Variants in SUPT16H observed in about 807,000 individuals in gnomAD.
SUPT16H encodes the protein FACT complex subunit SPT16.
A neutral mutation model predicts 136.2 loss-of-function variants in SUPT16H; 24 were observed. That is an observed-to-expected ratio of 0.18 (90% CI 0.13 to 0.25). SUPT16H has a LOEUF of 0.25. SUPT16H is among the 10% of genes least tolerant of loss of function. SUPT16H has a pLI of 1.00. For missense variants in SUPT16H, 623 were observed against 1,270.2 expected (o/e 0.49, Z 7.74); for synonymous variants, 415 against 428.2 (o/e 0.97, Z 0.38).
intron 14 of SUPT16H, 49 bp downstream of exon 14, chr14:21,362,745 T>C: frequency 6.5e-7 from 1 of 1,545,296 alleles, no homozygotes; most frequent in Non-Finnish European, 8.7e-7. Flanking sequence ...ATACAATTAC[T>C]ATTTTAAGCA....
intron 1 of SUPT16H, among the ~76,000 whole-genome samples, chr14:21,378,072 G>A (rs115872330): frequency 9.9e-4 from 151 of 152,190 alleles, no homozygotes; most frequent in African/African-American, 3.5e-3. Context: ...AGGATAATGT[G>A]GGGGGTGGAA....
intron 22 of SUPT16H, 26 bp from the exon 23 acceptor site, chr14:21,354,566 A>T: frequency 6.2e-7 from 1 of 1,611,008 alleles, no homozygotes; most frequent in Non-Finnish European, 8.5e-7. Flanking sequence ...TGACAAAGTC[A>T]AATCAATCTT....
At chr14:21,358,506 G>T in intron 19 of SUPT16H, 79 bp from the exon 20 acceptor site, 2 of 1,005,602 alleles carry the variant, frequency 2.0e-6, no homozygotes, top group Non-Finnish European at 3.0e-6. Flanking sequence ...AAGTGCTTTT[G>T]TGCTTTAAAA....
At chr14:21,378,559 C>A (rs950348297) in intron 1 of SUPT16H, among the ~76,000 whole-genome samples, 1 of 152,072 alleles carries the variant, frequency 6.6e-6, no homozygotes, top group African/African-American at 2.4e-5. Context: ...ACTTAAAATT[C>A]TTTCAACTTT....
At chr14:21,361,446 A>G (rs1225439535) in intron 15 of SUPT16H, 1 of 542,508 alleles carries the variant, frequency 1.8e-6, no homozygotes, top group East Asian at 3.6e-5. Flanking sequence ...CCTTCCAAGT[A>G]CCTGGGATTA....
At chr14:21,371,821 A>G in intron 3 of SUPT16H, 53 bp downstream of exon 3, 1 of 1,600,592 alleles carries the variant, frequency 6.2e-7, no homozygotes, top group Non-Finnish European at 8.5e-7. Flanking sequence ...ATTTCTGTTC[A>G]TCCCTTTTGA....
At chr14:21,379,292 C>T (rs1292677143) in intron 1 of SUPT16H, among the ~76,000 whole-genome samples, 17 of 151,410 alleles carry the variant, frequency 1.1e-4, no homozygotes, top group Admixed American at 9.2e-4. Context: ...AACAATTAGC[C>T]GAGCATGGTG....
rs1297642693 is a variant in SUPT16H, at chr14:21,352,634, G to A, written c.*39C>T. The A allele has an allele frequency of 3.1e-6, 5 of 1,611,182 alleles. No homozygotes were observed. Among genetic ancestry groups the A allele is most frequent in the Middle Eastern group, 3.7e-4 (2 of 5,420 alleles). ...TGTCATGTAAAATTTTCAGGGGTTG[G>A]CTGGAGGAAGAATGGAGCTCAGGGC... On this transcript the variant is annotated 3_prime_UTR_variant, in exon 26 of 26. Transcript: ENST00000216297.
At chr14:21,359,223 G>A (rs1886499194) in intron 19 of SUPT16H, among the ~76,000 whole-genome samples, 1 of 152,014 alleles carries the variant, frequency 6.6e-6, no homozygotes, top group Non-Finnish European at 1.5e-5. Flanking sequence ...TTAGCCTCCC[G>A]ACTAGCTGGG....
intron 1 of SUPT16H, among the ~76,000 whole-genome samples, chr14:21,375,805 C>T (rs960450443): frequency 1.1e-4 from 17 of 152,260 alleles, no homozygotes; most frequent in African/African-American, 4.1e-4. Context: ...GTTGGCCAGG[C>T]TGGTCTTGAA....
chr14:21,373,819 C>T (rs950725194), intron 1 of SUPT16H, among the ~76,000 whole-genome samples: 1 of 152,178 alleles, frequency 6.6e-6, no homozygotes, highest in African/African-American at 2.4e-5. Context: ...CCTCCGCCTC[C>T]TGGGTTCAAG....
intron 25 of SUPT16H, among the ~76,000 whole-genome samples, chr14:21,353,213 A>C (rs1886360334): frequency 6.6e-6 from 1 of 152,182 alleles, no homozygotes; most frequent in Non-Finnish European, 1.5e-5. Flanking sequence ...GTATTACATG[A>C]ATATGTGGCT....
intron 1 of SUPT16H, among the ~76,000 whole-genome samples, chr14:21,379,810 G>C (rs919380786): frequency 6.6e-6 from 1 of 152,146 alleles, no homozygotes; most frequent in African/African-American, 2.4e-5. Flanking sequence ...CCTGAGGCTG[G>C]TTTGGTTGAG....
In SUPT16H at chr14:21,373,467, A is replaced by G. The variant is rs770867736; in HGVS notation, c.67-37T>C. On this transcript the variant is annotated intron_variant, in intron 1 of 25. Transcript: ENST00000216297. ...GGGTAATCATCACTTAATTTTTCAC[A>G]CTAGCAAAACAGGAATACAGCCTTC... The G allele has an allele frequency of 2.1e-6, 3 of 1,426,716 alleles. No homozygotes were observed. In the Admixed American group the frequency reaches 5.0e-5, roughly 24 times the overall value. The allele number at this position is 1,426,716 out of a possible 1,614,324, so 88.4% of individuals were successfully genotyped here. A position where few individuals can be genotyped will look rare whatever the true frequency, so the allele number is the denominator to read the frequency against.
rs1002452424 is a variant in SUPT16H at position 21,360,981 on chromosome 14, G to A, written c.1930-9C>T. ...TCTTGTTTTACAATCCCCTAAGCAA[G>A]AAGAAAATTAATGTGAATTGTCACA... is the stretch of plus-strand genomic sequence containing the variant. On this transcript the variant is annotated splice_polypyrimidine_tract_variant and intron_variant, in intron 16 of 25. Transcript: ENST00000216297. The A allele has an allele frequency of 3.4e-5, 54 of 1,611,936 alleles. No homozygotes were observed. The highest frequency in any genetic ancestry group is 4.2e-5 in the Non-Finnish European group (49 of 1,179,092).
chr14:21,371,726 A>G, intron 3 of SUPT16H, 148 bp downstream of exon 3: 1 of 870,584 alleles, frequency 1.1e-6, no homozygotes, highest in Non-Finnish European at 1.7e-6. Context: ...TTTCCTCCTA[A>G]CAATGAAGAC....
intron 19 of SUPT16H, 151 bp downstream of exon 19, chr14:21,359,333 T>A: frequency 4.9e-6 from 5 of 1,028,474 alleles, no homozygotes; most frequent in Non-Finnish European, 6.9e-6. Context: ...GACCCTCAGG[T>A]GATCTGCCCA....
rs1886338725 is a variant in SUPT16H at position 21,352,641 on chromosome 14, G to A, written c.*32C>T. ...TAAAATTTTCAGGGGTTGGCTGGAGGAAGAATGGAGCTCAGGGCCAAAGTT... is the reference window on the plus strand; with the variant it reads ...TAAAATTTTCAGGGGTTGGCTGGAGAAAGAATGGAGCTCAGGGCCAAAGTT... On this transcript the variant is annotated 3_prime_UTR_variant, in exon 26 of 26. Transcript: ENST00000216297. 2 of 1,612,178 alleles carry A rather than the reference G, an allele frequency of 1.2e-6. No individual in the cohort carries two copies. Among genetic ancestry groups the A allele is most frequent in the Non-Finnish European group, 1.7e-6 (2 of 1,179,600 alleles).
intron 2 of SUPT16H, chr14:21,372,563 G>A (rs1448260472): frequency 2.8e-6 from 1 of 353,424 alleles, no homozygotes; most frequent in African/African-American, 2.2e-5. Flanking sequence ...TTCTTAAAAA[G>A]AAAAGGTGGC....
Sources: allele counts gnomAD v4.1 joint callset (sites outside exome capture counted in the v4.1 genomes callset), GRCh38; gene constraint gnomAD v4.1.1; transcripts MANE v1.5; gene names NCBI Gene and HGNC (gene_info 2026-07-23, HGNC 2026-07-21).